IL1RN: variants seen among roughly 807,000 people sequenced by gnomAD.
IL1RN encodes interleukin-1 receptor antagonist protein.
A neutral mutation model predicts 13.7 loss-of-function variants in IL1RN; 10 were observed. The ratio of observed to expected loss-of-function variants is 0.73; its 90% CI spans 0.45 to 1.24. The LOEUF is 1.24. IL1RN is among the 50% of genes most tolerant of loss of function. The pLI is 0.00. For synonymous variants in IL1RN, 102 were observed against 82.7 expected (o/e 1.23, Z -1.27); for missense variants, 213 against 222.1 (o/e 0.96, Z 0.26).
chr2:113,120,222 A>T (rs536751320), intron 2 of IL1RN: 1 of 886,404 alleles, frequency 1.1e-6, no homozygotes, highest in Non-Finnish European at 1.9e-6. Flanking sequence ...ATTAAAGATG[A>T]ATGGTTTAAT....
chr2:113,099,828 G>A, the IL1RN span, among the ~76,000 whole-genome samples: 28,365 of 137,522 alleles, frequency 0.21, 3,439 homozygotes, highest in South Asian at 0.35. Context: ...TCCGCCTCCC[G>A]GGTTCACGCC....
chr2:113,102,975 T>C (rs146099040), upstream of IL1RN, among the ~76,000 whole-genome samples: 1,025 of 152,340 alleles, frequency 6.7e-3, 11 homozygotes, highest in African/African-American at 0.024. Context: ...CAGAAGGAGC[T>C]GGGATAGAGG....
upstream of IL1RN, among the ~76,000 whole-genome samples, chr2:113,107,597 G>C (rs1686406866): frequency 6.6e-6 from 1 of 151,662 alleles, no homozygotes; most frequent in Admixed American, 6.6e-5. Context: ...GCCATGTGTG[G>C]TGGTGTGCAC....
upstream of IL1RN, among the ~76,000 whole-genome samples, chr2:113,124,029 C>T (rs148776594): frequency 6.6e-6 from 1 of 152,254 alleles, no homozygotes; most frequent in African/African-American, 2.4e-5. Flanking sequence ...ACATGGACAG[C>T]CTGGTTTCCC....
chr2:113,103,848 A>G (rs1408856252), upstream of IL1RN, among the ~76,000 whole-genome samples: 2 of 152,198 alleles, frequency 1.3e-5, no homozygotes, highest in Non-Finnish European at 2.9e-5. Flanking sequence ...ACTGTCCATC[A>G]AAAGCTCAGA....
chr2:113,104,056 G>A (rs1387119316), upstream of IL1RN, among the ~76,000 whole-genome samples: 2 of 151,848 alleles, frequency 1.3e-5, no homozygotes, highest in Non-Finnish European at 2.9e-5. Flanking sequence ...GTGGCCAGGG[G>A]TTAAGAGATG....
At chr2:113,105,616 ATCT>A (rs1350258152), upstream of IL1RN, among the ~76,000 whole-genome samples, 3 of 152,202 alleles carry the variant, frequency 2.0e-5, no homozygotes, top group African/African-American at 4.8e-5. Flanking sequence ...CAGCTCAGAA[ATCT>A]TCTTCCCTTT....
chr2:113,102,221 G>T (rs773644745), upstream of IL1RN, among the ~76,000 whole-genome samples: 7 of 152,212 alleles, frequency 4.6e-5, no homozygotes, highest in Non-Finnish European at 7.3e-5. Flanking sequence ...CTGGCTGGCA[G>T]ACAGCTACCT....
intron 1 of IL1RN, among the ~76,000 whole-genome samples, chr2:113,128,740 A>C (rs1489756711): frequency 6.6e-6 from 1 of 152,178 alleles, no homozygotes; most frequent in East Asian, 1.9e-4. Flanking sequence ...CCACCTGATG[A>C]GGTGGGTACA....
upstream of IL1RN, among the ~76,000 whole-genome samples, chr2:113,114,474 G>A (rs315921): frequency 0.12 from 18,015 of 152,180 alleles, 1,463 homozygotes; most frequent in Non-Finnish European, 0.18. Flanking sequence ...AGCTGGGTCT[G>A]TGAGTTGTGG....
At chr2:113,105,900 G>T (rs1050847155), upstream of IL1RN, among the ~76,000 whole-genome samples, 1 of 152,158 alleles carries the variant, frequency 6.6e-6, no homozygotes, top group Non-Finnish European at 1.5e-5. Context: ...CAAAAGATGA[G>T]TAATCTTTTC....
chr2:113,111,141 C>T (rs935721373), exon 1 of IL1RN: 1 of 152,140 alleles, frequency 6.6e-6, no homozygotes, highest in Non-Finnish European at 1.5e-5. Context: ...AAAGCACATT[C>T]GCATATAAGG....
chr2:113,127,663 T>A lies in IL1RN; in HGVS notation c.39T>A (p.Thr13=), dbSNP rs368716176. Reference sequence around the variant, plus strand: ...GAGGCCTCCGCAGTCACCTAATCACTCTCCTCCTCTTCCTGTTCCATTCAG... The same window carrying A: ...GAGGCCTCCGCAGTCACCTAATCACACTCCTCCTCTTCCTGTTCCATTCAG... ...ICRGLRSHLI[T]LLLFLFHSET... Residue 13 remains threonine (T), a synonymous_variant, in exon 1 of 4, where the codon ACT becomes ACA. Transcript: ENST00000409930. 9.0e-5 allele frequency: 145 copies of A among 1,613,986 alleles called. No homozygotes were observed. The East Asian group carries it at 1.2e-3, about 13-fold the overall frequency.
At chr2:113,120,850 T>C (rs1382584947) in intron 2 of IL1RN, among the ~76,000 whole-genome samples, 1 of 152,208 alleles carries the variant, frequency 6.6e-6, no homozygotes, top group Non-Finnish European at 1.5e-5. Context: ...AAAAAGTCAG[T>C]GGCCTCTTTA....
upstream of IL1RN, among the ~76,000 whole-genome samples, chr2:113,104,207 T>C (rs1436482627): frequency 2.6e-5 from 4 of 152,222 alleles, no homozygotes; most frequent in Non-Finnish European, 5.9e-5. Context: ...GTATTGTCAG[T>C]GTTAGCTGGT....
intron 1 of IL1RN, 145 bp from the exon 2 acceptor site, chr2:113,129,431 T>G (rs1316101768): frequency 1.4e-6 from 1 of 705,280 alleles, no homozygotes; most frequent in Non-Finnish European, 2.6e-6. Flanking sequence ...TTCTCATCCA[T>G]GCATGCCGTG....
In IL1RN at chr2:113,127,663, TCTC is replaced by T. The variant is rs750031723; in HGVS notation, c.46_48del (p.Leu16del). 6.2e-7 allele frequency: 1 copy of T among 1,613,986 alleles called. No homozygotes were observed. The highest frequency in any genetic ancestry group is 2.2e-5 in the East Asian group (1 of 44,866). On this transcript the variant is annotated inframe_deletion, in exon 1 of 4. Transcript: ENST00000409930. The stretch of plus-strand genomic sequence containing the variant: ...GAGGCCTCCGCAGTCACCTAATCAC[TCTC>T]CTCCTCTTCCTGTTCCATTCAGAGA...
intron 1 of IL1RN, among the ~76,000 whole-genome samples, chr2:113,112,814 T>C (rs1686523468): frequency 6.6e-6 from 1 of 152,214 alleles, no homozygotes; most frequent in Admixed American, 6.5e-5. Flanking sequence ...AATACACACC[T>C]ACCTTGCTGA....
intron 1 of IL1RN, among the ~76,000 whole-genome samples, chr2:113,129,029 G>A (rs533603279): frequency 9.6e-4 from 146 of 152,300 alleles, no homozygotes; most frequent in Non-Finnish European, 1.6e-3. Flanking sequence ...GACTCAGAGC[G>A]AGTTAGCTGC....
Sources: gnomAD v4.1 joint callset for allele counts (sites outside exome capture counted in the v4.1 genomes callset) on GRCh38, gnomAD v4.1.1 for gene constraint, MANE v1.5 for transcripts, NCBI Gene and HGNC (gene_info 2026-07-23, HGNC 2026-07-21) for gene names.